The following SNTG1 variants were observed in gnomAD, a reference collection of about 807,000 sequenced individuals.
SNTG1 encodes gamma-1-syntrophin.
Under a neutral mutation model 74.7 loss-of-function variants are expected in SNTG1, and 39 were observed. That is an observed-to-expected ratio of 0.52 (90% CI 0.40 to 0.68). The LOEUF is 0.68. Among genes scored for constraint, SNTG1 ranks in the 30% least tolerant of loss-of-function variants. The pLI is 0.00. For synonymous variants in SNTG1, 254 were observed against 217.1 expected, an observed-to-expected ratio of 1.17 and a Z score of -1.49; for missense variants, 685 against 609.5, an observed-to-expected ratio of 1.12 and a Z score of -1.30.
At chr8:50,640,289 A>T (rs1485173884) in intron 13 of SNTG1, among the ~76,000 whole-genome samples, 1 of 152,144 alleles carries the variant, frequency 6.6e-6, no homozygotes, top group Non-Finnish European at 1.5e-5. Context: ...TTCTGAACAT[A>T]GTACAGGTTG....
intron 1 of SNTG1, among the ~76,000 whole-genome samples, chr8:50,133,584 C>T (rs1003177539): frequency 1.3e-5 from 2 of 152,152 alleles, no homozygotes; most frequent in African/African-American, 2.4e-5. Flanking sequence ...GCCATGCCCC[C>T]TCTGACATTC....
At chr8:50,038,363 G>A (rs1311242416) in intron 1 of SNTG1, among the ~76,000 whole-genome samples, 1 of 152,132 alleles carries the variant, frequency 6.6e-6, no homozygotes, top group Non-Finnish European at 1.5e-5. Flanking sequence ...GATCACATTG[G>A]CACTGTGGTC....
chr8:50,332,131 C>G lies in SNTG1; in HGVS notation c.-27-62081C>G, dbSNP rs918710636. 1.1e-4 allele frequency among the ~76,000 whole-genome samples: 17 copies of G among 152,228 alleles called. 2 individuals carry two copies. The highest frequency in any genetic ancestry group is 6.2e-4 in the South Asian group (3 of 4,818). On this transcript the variant is annotated intron_variant, in intron 2 of 18. Coordinates refer to ENST00000642720, the MANE Select transcript of SNTG1 (RefSeq NM_018967.5). ...CTATTGAGCTGTGGAGCTAGACAAC[C>G]CCAAAATTTTTATGAAATATGAAAA... is the stretch of plus-strand genomic sequence containing the variant.
At position 50,275,414 on chromosome 8, in the gene SNTG1, A is replaced by AC. The variant is rs34169663; in HGVS notation, c.-28+102779_-28+102780insC. ...CTGATGTTAGTGAATATCTTATTAC[A>AC]TGATATTTCTTTTCCTCTTCTAGCA... On this transcript the variant is annotated intron_variant, in intron 2 of 18. Transcript: ENST00000642720. Among the ~76,000 whole-genome samples, 3 of 152,136 alleles carry AC rather than the reference A, an allele frequency of 2.0e-5. No homozygotes were observed. The East Asian group carries it at 5.8e-4, about 29-fold the overall frequency.
chr8:50,327,342 T>G (rs1436688706), intron 2 of SNTG1, among the ~76,000 whole-genome samples: 1 of 152,156 alleles, frequency 6.6e-6, no homozygotes, highest in Non-Finnish European at 1.5e-5. Context: ...TTTTGATACT[T>G]TGCTGTTAGA....
At chr8:50,662,981 A>G (rs1008045469) in intron 15 of SNTG1, among the ~76,000 whole-genome samples, 6 of 152,214 alleles carry the variant, frequency 3.9e-5, no homozygotes, top group African/African-American at 1.4e-4. Context: ...TGAACTCACA[A>G]AAATTCCAGC....
chr8:50,060,316 G>C (rs201793730), intron 1 of SNTG1, among the ~76,000 whole-genome samples: 88 of 152,044 alleles, frequency 5.8e-4, no homozygotes, highest in South Asian at 2.3e-3. Flanking sequence ...TCTATGGCTT[G>C]TCTTTCACTC....
intron 8 of SNTG1, among the ~76,000 whole-genome samples, chr8:50,482,514 C>T (rs2093749176): frequency 6.6e-6 from 1 of 152,164 alleles, no homozygotes; most frequent in African/African-American, 2.4e-5. Context: ...AGTTTGCAAA[C>T]TCCCAATGAG....
intron 8 of SNTG1, among the ~76,000 whole-genome samples, chr8:50,454,278 C>A (rs187926912): frequency 0.013 from 1,978 of 151,526 alleles, 45 homozygotes; most frequent in African/African-American, 0.045. Context: ...GGGCAGATCA[C>A]GAGGTCAGGA....
intron 8 of SNTG1, among the ~76,000 whole-genome samples, chr8:50,492,527 C>T (rs879925231): frequency 6.6e-6 from 1 of 152,218 alleles, no homozygotes; most frequent in Non-Finnish European, 1.5e-5. Context: ...TTGTTGGCCA[C>T]ATAAATGCCT....
chr8:50,501,178 T>C, intron 8 of SNTG1, among the ~76,000 whole-genome samples: 1 of 151,966 alleles, frequency 6.6e-6, no homozygotes. Flanking sequence ...CCAGAGGTGG[T>C]ATGAGCCTAT....
intron 2 of SNTG1, among the ~76,000 whole-genome samples, chr8:50,337,276 C>T (rs146715469): frequency 6.6e-6 from 1 of 152,178 alleles, no homozygotes; most frequent in East Asian, 1.9e-4. Context: ...TTACTAGGAG[C>T]AGAAACCATC....
chr8:50,294,378 A>C (rs900846212), intron 2 of SNTG1, among the ~76,000 whole-genome samples: 9 of 152,214 alleles, frequency 5.9e-5, no homozygotes. Flanking sequence ...TTAAAGAGAA[A>C]CAGAACTATA....
At chr8:50,262,582 T>A (rs536184449) in intron 2 of SNTG1, among the ~76,000 whole-genome samples, 49 of 152,208 alleles carry the variant, frequency 3.2e-4, no homozygotes, top group Non-Finnish European at 6.0e-4. Flanking sequence ...CTAATTTTTT[T>A]ATATTTTTAG....
At chr8:50,280,914 G>A (rs2088404549) in intron 2 of SNTG1, among the ~76,000 whole-genome samples, 1 of 150,760 alleles carries the variant, frequency 6.6e-6, no homozygotes, top group African/African-American at 2.4e-5. Flanking sequence ...AGCACTCTGG[G>A]AGGCCGAGGC....
Position 50,772,294 on chromosome 8 carries a change from C to T in SNTG1, c.1395+20183C>T, listed in dbSNP as rs149603787. ...AGAACACACCCTTCACAACAATGTA[C>T]ACAGGGTGTGAGATATGAAGTAAAA... On this transcript the variant is annotated intron_variant, in intron 18 of 18. Transcript: ENST00000642720. Among the ~76,000 whole-genome samples, 4 of 152,268 alleles carry T rather than the reference C, an allele frequency of 2.6e-5. No individual in the cohort carries two copies. The East Asian group carries it at 5.8e-4, about 22-fold the overall frequency.
intron 2 of SNTG1, among the ~76,000 whole-genome samples, chr8:50,274,361 G>T (rs947682739): frequency 6.6e-6 from 1 of 151,896 alleles, no homozygotes. Flanking sequence ...TGCTGGGATT[G>T]CAGGTGTGAG....
chr8:50,115,688 G>A lies in SNTG1; in HGVS notation c.-102-56873G>A, dbSNP rs143862380. ...TGCTGAGAGGTGGAAGGAAATTGTC[G>A]TGCTCTGTGTGTGTGTCTAGAACTT... is the stretch of plus-strand genomic sequence containing the variant. On this transcript the variant is annotated intron_variant, in intron 1 of 18. Coordinates refer to ENST00000642720, the MANE Select transcript of SNTG1 (RefSeq NM_018967.5). Among the ~76,000 whole-genome samples, 9 of 151,790 alleles carry A rather than the reference G, an allele frequency of 5.9e-5. No individual in the cohort carries two copies. The East Asian group carries it at 1.5e-3, about 26-fold the overall frequency.
At chr8:50,463,766 C>T (rs1025717546) in intron 8 of SNTG1, among the ~76,000 whole-genome samples, 7 of 152,162 alleles carry the variant, frequency 4.6e-5, no homozygotes, top group Non-Finnish European at 1.5e-5. Flanking sequence ...GCATTGGCCC[C>T]TAATAATAGA....
Sources: gnomAD v4.1 joint callset for allele counts (sites outside exome capture counted in the v4.1 genomes callset) on GRCh38, gnomAD v4.1.1 for gene constraint, MANE v1.5 for transcripts, NCBI Gene and HGNC (gene_info 2026-07-23, HGNC 2026-07-21) for gene names.